The following SLC13A2 variants were observed in gnomAD, a reference collection of about 807,000 sequenced individuals.
The protein encoded by SLC13A2 is solute carrier family 13 member 2.
In SLC13A2, 40 loss-of-function variants were observed where a neutral mutation model predicts 58.5. That is an observed-to-expected ratio of 0.68 (90% CI 0.53 to 0.89). The LOEUF (loss-of-function observed/expected upper bound fraction) is 0.89. Ranked by LOEUF, SLC13A2 falls within the 40% of genes least tolerant of loss-of-function variation. The pLI, the probability that SLC13A2 is intolerant of heterozygous loss-of-function variation, is 0.00. For synonymous variants in SLC13A2, 341 were observed against 331.6 expected (o/e 1.03, Z -0.31); for missense variants, 694 against 772.6 (o/e 0.90, Z 1.21).
At position 28,490,679 on chromosome 17, in the gene SLC13A2, GTGTC is replaced by G. The variant is rs782036519; in HGVS notation, c.369-15_369-12del. On this transcript the variant is annotated intron_variant, in intron 3 of 11. Coordinates refer to ENST00000314669, the MANE Select transcript of SLC13A2 (RefSeq NM_003984.4). Reference sequence around the variant, plus strand: ...CCTGAAGGGAAGCTGGAACAGCAGTGTGTCTGTCTGCCCATCCCTAGGCTAATCC... The same window carrying G: ...CCTGAAGGGAAGCTGGAACAGCAGTGTGTCTGCCCATCCCTAGGCTAATCC... The G allele has an allele frequency of 8.1e-6, 13 of 1,602,890 alleles. No homozygotes were observed. In the South Asian group the frequency reaches 1.1e-4, roughly 14 times the overall value.
chr17:28,476,994 A>T (rs940982984), intron 1 of SLC13A2, among the ~76,000 whole-genome samples: 22 of 129,312 alleles, frequency 1.7e-4, no homozygotes, highest in African/African-American at 8.1e-4. Flanking sequence ...CCGTCTCTAT[A>T]AAAAAAAACA....
In SLC13A2 at chr17:28,491,751, C is replaced by A. The variant is rs140762570; in HGVS notation, c.777C>A (p.Asn259Lys). 5 of 1,614,208 alleles carry A rather than the reference C, an allele frequency of 3.1e-6. No individual in the cohort carries two copies. The Admixed American group carries it at 6.7e-5, about 22-fold the overall frequency. ...TCAGGCTCTTCCCCCAAAACGGCAA[C>A]GTGGTGAACTTCGCCTCCTGGTTCA... ...QINSLFPQNGNVVNFASWFSF... is the reference protein window; with the variant it reads ...QINSLFPQNGKVVNFASWFSF... The change falls in exon 6 of 12, where the codon AAC becomes AAA. Residue 259 changes from asparagine (N) to lysine (K), a missense_variant. Physicochemically the swap from Asn to Lys is moderately conservative, Grantham distance 94. Transcript: ENST00000314669.
At chr17:28,493,075 T>C (rs2069060204) in intron 6 of SLC13A2, among the ~76,000 whole-genome samples, 1 of 152,166 alleles carries the variant, frequency 6.6e-6, no homozygotes, top group Admixed American at 6.5e-5. Context: ...AGGTTGAGAT[T>C]TACCCAAGTG....
At position 28,497,167 on chromosome 17, in the gene SLC13A2, C is replaced by T. The variant is rs11568456; in HGVS notation, c.1677C>T (p.Gly559=). ...TCGCACTGGCCATCAACAGCTGGGG[C>T]ATCCCCCTCTTCAGCCTGCACTCTT... is the stretch of plus-strand genomic sequence containing the variant. ...LIIALAINSW[G]IPLFSLHSFP... Residue 559 remains glycine (G), a synonymous_variant, in exon 12 of 12, where the codon GGC becomes GGT. Transcript: ENST00000314669. 2.7e-4 allele frequency: 434 copies of T among 1,613,896 alleles called. 6 individuals are homozygous for T. The East Asian group carries it at 9.3e-3, about 34-fold the overall frequency.
At chr17:28,481,617 TGGCAATCATCGAGCAA>T (rs550033597) in intron 1 of SLC13A2, among the ~76,000 whole-genome samples, 2 of 152,294 alleles carry the variant, frequency 1.3e-5, no homozygotes, top group African/African-American at 4.8e-5. Flanking sequence ...TCAGGGGAAT[TGGCAATCATCGAGCAA>T]ATCCTGAGTG....
chr17:28,483,067 G>A (rs1206376063), intron 1 of SLC13A2, among the ~76,000 whole-genome samples: 1 of 152,204 alleles, frequency 6.6e-6, no homozygotes, highest in Non-Finnish European at 1.5e-5. Flanking sequence ...TCAGTCACCA[G>A]GAGGAATAAG....
rs2068982414 is a variant in SLC13A2, at chr17:28,490,436, C to T, written c.232-18C>T. Reference sequence around the variant, plus strand: ...CTCCAGGGTCTTCCCGCCGCTCAGCCATGTCTCCACCTGCCAGGTTGCCGT... The same window carrying T: ...CTCCAGGGTCTTCCCGCCGCTCAGCTATGTCTCCACCTGCCAGGTTGCCGT... On this transcript the variant is annotated intron_variant, in intron 2 of 11. Coordinates refer to ENST00000314669, the MANE Select transcript of SLC13A2 (RefSeq NM_003984.4). The T allele has an allele frequency of 6.2e-7, 1 of 1,614,152 alleles. No homozygotes were observed. Among genetic ancestry groups the T allele is most frequent in the South Asian group, 1.1e-5 (1 of 91,064 alleles).
chr17:28,477,179 CA>C (rs1167300261), intron 1 of SLC13A2, among the ~76,000 whole-genome samples: 7 of 147,268 alleles, frequency 4.8e-5, no homozygotes, highest in Admixed American at 2.0e-4. Context: ...AAATAAAAAA[CA>C]CCCAAGTTTT....
chr17:28,479,686 T>C (rs1269387521), intron 1 of SLC13A2, among the ~76,000 whole-genome samples: 1 of 152,248 alleles, frequency 6.6e-6, no homozygotes, highest in Non-Finnish European at 1.5e-5. Flanking sequence ...ACTGGCCCTT[T>C]TAGAATGCAT....
rs1555604332 is a variant in SLC13A2, at chr17:28,494,832, A to G, written c.1308+320A>G. On this transcript the variant is annotated intron_variant, in intron 9 of 11. Coordinates refer to ENST00000314669, the MANE Select transcript of SLC13A2 (RefSeq NM_003984.4). The surrounding 1 kb of genome is among the most constrained non-coding windows in gnomAD (Gnocchi z 4.0). ...GCCCGCTGCCAGAGCACACAGTAGC[A>G]TCAGCACCAAAGTAATTGGGGGTTG... is the stretch of plus-strand genomic sequence containing the variant. Among the ~76,000 whole-genome samples, 2 of 152,130 alleles carry G rather than the reference A, an allele frequency of 1.3e-5. No homozygotes were observed. The highest frequency in any genetic ancestry group is 2.9e-5 in the Non-Finnish European group (2 of 68,010).
intron 1 of SLC13A2, among the ~76,000 whole-genome samples, chr17:28,485,795 T>C (rs2068869104): frequency 6.6e-6 from 1 of 150,670 alleles, no homozygotes; most frequent in Non-Finnish European, 1.5e-5. Context: ...GAGACCAGCC[T>C]GGGCAACAAA....
chr17:28,496,313 G>A lies in SLC13A2; in HGVS notation c.1471-137G>A. The A allele has an allele frequency of 8.5e-7, 1 of 1,169,696 alleles. No individual in the cohort carries two copies. Among genetic ancestry groups the A allele is most frequent in the Non-Finnish European group, 1.2e-6 (1 of 858,106 alleles). 72.5% of individuals were successfully genotyped at this position (1,169,696 alleles called of 1,614,324 possible). ...CCAGGTCACCCAGTGCCTTCTGGGA[G>A]AAGAGGTGGGCTCATGACCAGAGAG... On this transcript the variant is annotated intron_variant, in intron 10 of 11. Coordinates refer to ENST00000314669, the MANE Select transcript of SLC13A2 (RefSeq NM_003984.4). This position sits in a 1 kb window ranked among gnomAD's most constrained non-coding sequence, Gnocchi z 4.2.
In SLC13A2 at chr17:28,478,076, G is replaced by A. The variant is rs564890390; in HGVS notation, c.102+4262G>A. Reference sequence around the variant, plus strand: ...CAGTCTCAAAAAATAAAAAAAAAAAGCCTATGTGTTACATGAGGTTACTAC... The same window carrying A: ...CAGTCTCAAAAAATAAAAAAAAAAAACCTATGTGTTACATGAGGTTACTAC... On this transcript the variant is annotated intron_variant, in intron 1 of 11. Transcript: ENST00000314669. Among the ~76,000 whole-genome samples the A allele has an allele frequency of 1.1e-4, 16 of 152,008 alleles. No homozygotes were observed. In the South Asian group the frequency reaches 3.3e-3, roughly 32 times the overall value.
intron 1 of SLC13A2, among the ~76,000 whole-genome samples, chr17:28,475,066 A>G (rs1258754845): frequency 6.6e-6 from 1 of 152,188 alleles, no homozygotes; most frequent in Non-Finnish European, 1.5e-5. Context: ...TCTCAGTGCT[A>G]GGGACCCATC....
intron 6 of SLC13A2, among the ~76,000 whole-genome samples, chr17:28,492,170 C>T (rs1240199881): frequency 6.6e-6 from 1 of 152,136 alleles, no homozygotes; most frequent in Non-Finnish European, 1.5e-5. Flanking sequence ...TTAAGGGGCA[C>T]ACACTGAGCA....
Position 28,491,628 on chromosome 17 carries a change from AG to A in SLC13A2, c.755+15del, listed in dbSNP as rs782812154. The A allele has an allele frequency of 3.7e-6, 6 of 1,611,394 alleles. No homozygotes were observed. In the South Asian group the frequency reaches 6.6e-5, roughly 18 times the overall value. On this transcript the variant is annotated intron_variant, in intron 5 of 11. Coordinates refer to ENST00000314669, the MANE Select transcript of SLC13A2 (RefSeq NM_003984.4). ...AGGCCAGATCAACTCGTGAGTGACA[AG>A]GGGTGGGCCACCTTGGGGGATCTGC...
chr17:28,480,715 C>T (rs2068769079), intron 1 of SLC13A2, among the ~76,000 whole-genome samples: 1 of 152,176 alleles, frequency 6.6e-6, no homozygotes, highest in African/African-American at 2.4e-5. Flanking sequence ...CCCTCTGCCT[C>T]TTATCTGAAT....
chr17:28,488,332 G>T (rs1555602384), intron 1 of SLC13A2, among the ~76,000 whole-genome samples: 1 of 152,166 alleles, frequency 6.6e-6, no homozygotes, highest in African/African-American at 2.4e-5. Flanking sequence ...CCAGCATGCG[G>T]CCCCTTCCCT....
intron 1 of SLC13A2, 93 bp from the exon 2 acceptor site, chr17:28,489,121 C>G: frequency 2.7e-6 from 4 of 1,457,162 alleles, no homozygotes; most frequent in Non-Finnish European, 9.3e-7. Flanking sequence ...CCCAGGCAGT[C>G]ACAAATGGCC....
Sources: allele counts gnomAD v4.1 joint callset (sites outside exome capture counted in the v4.1 genomes callset), GRCh38; gene constraint gnomAD v4.1.1; non-coding constraint Gnocchi (gnomAD v3.1); transcripts MANE v1.5; gene names NCBI Gene and HGNC (gene_info 2026-07-23, HGNC 2026-07-21).